The following JAK1 variants were observed in gnomAD, a reference collection of about 807,000 sequenced individuals.
JAK1 encodes tyrosine-protein kinase JAK1.
In JAK1, 16 loss-of-function variants were observed where a neutral mutation model predicts 136.6. The ratio of observed to expected loss-of-function variants is 0.12; its 90% CI spans 0.08 to 0.18. The LOEUF (loss-of-function observed/expected upper bound fraction) is 0.18. JAK1 is among the 10% of genes least tolerant of loss of function. The pLI, the probability that JAK1 is intolerant of heterozygous loss-of-function variation, is 1.00. For missense variants in JAK1, 859 were observed against 1,450.1 expected (o/e 0.59, Z 6.62); for synonymous variants, 492 against 519.5 (o/e 0.95, Z 0.72).
At chr1:64,994,507 C>A (rs943424876) in intron 2 of JAK1, among the ~76,000 whole-genome samples, 1 of 152,124 alleles carries the variant, frequency 6.6e-6, no homozygotes. Context: ...CTTACCATGA[C>A]AGAAAGTGGA....
At chr1:65,058,649 A>G (rs1046289635) in intron 1 of JAK1, 3 of 411,242 alleles carry the variant, frequency 7.3e-6, no homozygotes, top group African/African-American at 2.2e-5. Context: ...GAAGGATCAG[A>G]GCCCAGCAAG....
intron 3 of JAK1, 109 bp downstream of exon 3, chr1:64,883,168 A>G (rs1644801123): frequency 1.2e-6 from 1 of 843,482 alleles, no homozygotes; most frequent in Non-Finnish European, 1.8e-6. Context: ...CTGACTCCAG[A>G]GTCCACAACT....
At chr1:64,982,357 T>A (rs1646555962) in intron 2 of JAK1, among the ~76,000 whole-genome samples, 1 of 152,172 alleles carries the variant, frequency 6.6e-6, no homozygotes, top group Non-Finnish European at 1.5e-5. Flanking sequence ...CAAGAGCAGA[T>A]TAACCATTAC....
intron 6 of JAK1, among the ~76,000 whole-genome samples, chr1:64,867,903 T>C (rs1656803517): frequency 6.6e-6 from 1 of 152,016 alleles, no homozygotes; most frequent in African/African-American, 2.4e-5. Context: ...GGCAGGAGAA[T>C]CGCTTGAACC....
chr1:64,962,928 C>T (rs192186866), intron 1 of JAK1, among the ~76,000 whole-genome samples: 210 of 152,240 alleles, frequency 1.4e-3, no homozygotes, highest in Admixed American at 9.1e-3. Flanking sequence ...AAAAATTACC[C>T]AGGCATGGTG....
intron 10 of JAK1, among the ~76,000 whole-genome samples, 156 bp from the exon 11 acceptor site, chr1:64,855,854 T>C (rs1655896381): frequency 6.6e-6 from 1 of 151,690 alleles, no homozygotes; most frequent in Non-Finnish European, 1.5e-5. Context: ...AAGTTTATTA[T>C]CAATAAATAA....
At chr1:65,060,891 A>G (rs2100889134) in intron 1 of JAK1, among the ~76,000 whole-genome samples, 2 of 152,332 alleles carry the variant, frequency 1.3e-5, no homozygotes, top group Middle Eastern at 6.8e-3. Flanking sequence ...AAATTTATAA[A>G]CAAGTGACTA....
chr1:65,005,321 G>C (rs1292131146), intron 2 of JAK1, among the ~76,000 whole-genome samples: 1 of 151,406 alleles, frequency 6.6e-6, no homozygotes, highest in African/African-American at 2.4e-5. Flanking sequence ...TCTAGCTTGG[G>C]CAACAAGAGC....
chr1:64,941,713 G>T (rs955336410), intron 1 of JAK1, among the ~76,000 whole-genome samples: 3 of 152,200 alleles, frequency 2.0e-5, no homozygotes, highest in Non-Finnish European at 4.4e-5. Flanking sequence ...ACTAAACCTG[G>T]GTCTCAAAGT....
intron 12 of JAK1, among the ~76,000 whole-genome samples, chr1:64,850,285 T>C (rs1297632575): frequency 6.6e-6 from 1 of 152,190 alleles, no homozygotes; most frequent in African/African-American, 2.4e-5. Flanking sequence ...AGCCTGTAGA[T>C]TCTGGGCAAA....
intron 1 of JAK1, among the ~76,000 whole-genome samples, chr1:64,954,662 C>A (rs1646150490): frequency 6.6e-6 from 1 of 151,952 alleles, no homozygotes. Context: ...TTACCACTCT[C>A]CAAAAAAAGG....
intron 1 of JAK1, among the ~76,000 whole-genome samples, chr1:64,965,818 G>A (rs1646363792): frequency 6.6e-6 from 1 of 152,052 alleles, no homozygotes; most frequent in African/African-American, 2.4e-5. Flanking sequence ...CCAAATCCCA[G>A]AAACTTTCCC....
At chr1:65,063,601 C>T (rs1647907695) in intron 1 of JAK1, among the ~76,000 whole-genome samples, 1 of 152,062 alleles carries the variant, frequency 6.6e-6, no homozygotes, top group Non-Finnish European at 1.5e-5. Context: ...CTTAGGAGTT[C>T]AAGACCAGCC....
rs770370711 is a variant in JAK1 at position 65,021,517 on chromosome 1, G to A, written c.-78+22963C>T. On this transcript the variant is annotated intron_variant, in intron 2 of 25. Transcript: ENST00000671954. ...GTAGATTTGGAGAGACCCAAACTTC[G>A]TTGCGTGTAGGATATGAGGCATTGA... 6.6e-5 allele frequency among the ~76,000 whole-genome samples: 10 copies of A among 152,082 alleles called. No individual in the cohort carries two copies. The South Asian group carries it at 1.2e-3, about 19-fold the overall frequency.
chr1:64,839,912 G>A (rs1190356229), intron 19 of JAK1, 117 bp from the exon 20 acceptor site: 8 of 792,258 alleles, frequency 1.0e-5, no homozygotes, highest in Non-Finnish European at 1.6e-5. Context: ...TCGCTGTCTG[G>A]CCTTGCAGGC....
chr1:64,907,845 G>A (rs1645216845), intron 1 of JAK1, among the ~76,000 whole-genome samples: 2 of 152,120 alleles, frequency 1.3e-5, no homozygotes. Flanking sequence ...TTACTATCAA[G>A]TAATATGGAC....
At chr1:64,836,002 A>G in intron 23 of JAK1, 96 bp downstream of exon 23, 1 of 716,140 alleles carries the variant, frequency 1.4e-6, no homozygotes, top group Non-Finnish European at 2.5e-6. Flanking sequence ...TAATACATTC[A>G]TTGGATTCCA....
intron 1 of JAK1, among the ~76,000 whole-genome samples, chr1:64,898,796 C>T (rs1159690122): frequency 2.0e-5 from 3 of 152,176 alleles, no homozygotes; most frequent in South Asian, 2.1e-4. Context: ...CAGCCAGGTG[C>T]TCCCTGAACA....
chr1:64,840,709 G>A (rs966881351), intron 19 of JAK1, among the ~76,000 whole-genome samples: 1 of 152,246 alleles, frequency 6.6e-6, no homozygotes, highest in East Asian at 1.9e-4. Flanking sequence ...GCGTGTGCCT[G>A]TAGTTCCAGC....
Sources: gnomAD v4.1 joint callset for allele counts (sites outside exome capture counted in the v4.1 genomes callset) on GRCh38, gnomAD v4.1.1 for gene constraint, MANE v1.5 for transcripts, NCBI Gene and HGNC (gene_info 2026-07-23, HGNC 2026-07-21) for gene names.